Variants in MTDH observed in about 807,000 individuals in gnomAD.
MTDH encodes protein LYRIC.
Under a neutral mutation model 72.7 loss-of-function variants are expected in MTDH, and 34 were observed. The observed-to-expected ratio is 0.47, with a 90% CI of 0.36 to 0.62. The LOEUF is 0.62. Ranked by LOEUF, MTDH falls within the 20% of genes least tolerant of loss-of-function variation. The pLI is 0.00. For missense variants in MTDH, 677 were observed against 699.4 expected (o/e 0.97, Z 0.36); for synonymous variants, 266 against 268.9 (o/e 0.99, Z 0.10).
intron 5 of MTDH, among the ~76,000 whole-genome samples, chr8:97,690,645 A>AATT (rs1450656542): frequency 6.6e-6 from 1 of 151,998 alleles, no homozygotes; most frequent in Non-Finnish European, 1.5e-5. Flanking sequence ...ATATATAAAT[A>AATT]AGGAAAGAAC....
At chr8:97,686,039 A>G (rs931881329) in intron 2 of MTDH, among the ~76,000 whole-genome samples, 3 of 152,224 alleles carry the variant, frequency 2.0e-5, no homozygotes, top group African/African-American at 4.8e-5. Context: ...AAACATCTGT[A>G]TACAAATCCT....
At chr8:97,667,264 G>A (rs1812431697) in intron 2 of MTDH, among the ~76,000 whole-genome samples, 1 of 152,114 alleles carries the variant, frequency 6.6e-6, no homozygotes, top group Admixed American at 6.5e-5. Flanking sequence ...GGGATCACAG[G>A]CATCTCATTG....
intron 2 of MTDH, among the ~76,000 whole-genome samples, chr8:97,669,856 C>T (rs1368118786): frequency 6.9e-6 from 1 of 144,894 alleles, no homozygotes; most frequent in Non-Finnish European, 1.5e-5. Context: ...ACGGAGGTTG[C>T]AGGCGGAGTG....
At chr8:97,671,688 CAA>C (rs1052026867) in intron 2 of MTDH, among the ~76,000 whole-genome samples, 2 of 151,980 alleles carry the variant, frequency 1.3e-5, no homozygotes, top group African/African-American at 4.8e-5. Flanking sequence ...ACTAAAAATA[CAA>C]AAATTAGCTT....
At chr8:97,664,752 TCTTTC>T (rs923704878) in intron 2 of MTDH, among the ~76,000 whole-genome samples, 5 of 151,890 alleles carry the variant, frequency 3.3e-5, no homozygotes, top group Non-Finnish European at 7.4e-5. Flanking sequence ...CTTCCTTCCT[TCTTTC>T]CTTTCTTTTT....
intron 8 of MTDH, among the ~76,000 whole-genome samples, chr8:97,713,037 A>G (rs982859783): frequency 1.3e-5 from 2 of 152,198 alleles, no homozygotes; most frequent in Non-Finnish European, 2.9e-5. Flanking sequence ...TTGAACTTCA[A>G]AATAAAGTAG....
chr8:97,707,443 C>G (rs545872600), intron 8 of MTDH, among the ~76,000 whole-genome samples: 2 of 146,634 alleles, frequency 1.4e-5, no homozygotes, highest in South Asian at 4.3e-4. Context: ...AGCCACCATG[C>G]CTGGCCTTTT....
rs1295070988 is a variant in MTDH, at chr8:97,727,060, A to C, written c.*2390A>C. 1 of 151,798 alleles carries C rather than the reference A, an allele frequency of 6.6e-6. No individual in the cohort carries two copies. The highest frequency in any genetic ancestry group is 1.9e-4 in the East Asian group (1 of 5,156). The allele number at this position is 151,798 out of a possible 1,614,324, so 9.4% of individuals were successfully genotyped here. A position where few individuals can be genotyped will look rare whatever the true frequency, so the allele number is the denominator to read the frequency against. ...CACTGCACTCCAGCCTGGGCAACAG[A>C]AGGAGACTCCGTCTCAAAAAAAAAA... On this transcript the variant is annotated 3_prime_UTR_variant, in exon 12 of 12. Transcript: ENST00000336273.
At chr8:97,718,941 C>T (rs1268518258) in intron 9 of MTDH, 108 bp from the exon 10 acceptor site, 7 of 1,014,324 alleles carry the variant, frequency 6.9e-6, no homozygotes, top group Non-Finnish European at 8.5e-6. Context: ...AGCAATTCAC[C>T]CACCTCCGCC....
At chr8:97,654,936 C>T (rs1213250691) in intron 1 of MTDH, among the ~76,000 whole-genome samples, 3 of 151,822 alleles carry the variant, frequency 2.0e-5, no homozygotes, top group Admixed American at 1.3e-4. Flanking sequence ...CCTGTCTCTA[C>T]AAAAAATTAA....
At chr8:97,694,816 G>A (rs1031863229) in intron 6 of MTDH, among the ~76,000 whole-genome samples, 2 of 151,942 alleles carry the variant, frequency 1.3e-5, no homozygotes, top group Admixed American at 6.6e-5. Context: ...CCAGCTACTC[G>A]GGAGGCCGAG....
At chr8:97,674,836 A>G (rs887798808) in intron 2 of MTDH, among the ~76,000 whole-genome samples, 2 of 151,880 alleles carry the variant, frequency 1.3e-5, no homozygotes, top group African/African-American at 4.8e-5. Flanking sequence ...CTTGAGACAG[A>G]GTCTTGCTCT....
At chr8:97,681,649 A>G (rs1438607273) in intron 2 of MTDH, among the ~76,000 whole-genome samples, 1 of 151,920 alleles carries the variant, frequency 6.6e-6, no homozygotes, top group Non-Finnish European at 1.5e-5. Context: ...ATGCACCAGC[A>G]CGCTTGGCTG....
chr8:97,686,953 T>G (rs564654345), intron 3 of MTDH, among the ~76,000 whole-genome samples: 7 of 141,798 alleles, frequency 4.9e-5, no homozygotes, highest in South Asian at 2.2e-4. Context: ...TGAAGGGAAC[T>G]GCCCTGAAAT....
chr8:97,722,567 A>T (rs539122783), intron 10 of MTDH, among the ~76,000 whole-genome samples: 17 of 152,320 alleles, frequency 1.1e-4, no homozygotes, highest in African/African-American at 4.1e-4. Context: ...GTGCCACTGC[A>T]CTCCATCCTG....
In MTDH at chr8:97,706,856, A is replaced by C. The variant is rs1308243632; in HGVS notation, c.1272+106A>C. The stretch of plus-strand genomic sequence containing the variant: ...GCACTTTGGGAGGTACTGTGGGAGG[A>C]TTGCTTGAGCCCAGGAGTTCAAGGC... On this transcript the variant is annotated intron_variant, in intron 8 of 11. Transcript: ENST00000336273. 13 of 1,341,770 alleles carry C rather than the reference A, an allele frequency of 9.7e-6. No homozygotes were observed. In the Admixed American group the frequency reaches 1.2e-4, roughly 13 times the overall value. The allele number at this position is 1,341,770 out of a possible 1,614,324, so 83.1% of individuals were successfully genotyped here. A position where few individuals can be genotyped will look rare whatever the true frequency, so the allele number is the denominator to read the frequency against.
At chr8:97,699,923 T>A (rs865984380) in intron 7 of MTDH, 71 bp downstream of exon 7, 14 of 944,246 alleles carry the variant, frequency 1.5e-5, no homozygotes, top group Middle Eastern at 2.4e-4. Context: ...ATTCATGCTT[T>A]ATGTTTTAAT....
At chr8:97,676,866 G>T (rs532071714) in intron 2 of MTDH, among the ~76,000 whole-genome samples, 4 of 151,700 alleles carry the variant, frequency 2.6e-5, no homozygotes, top group Non-Finnish European at 2.9e-5. Flanking sequence ...TTAGCTGGGC[G>T]TGGTGGCACA....
chr8:97,670,881 C>T (rs1297200326), intron 2 of MTDH, among the ~76,000 whole-genome samples: 5 of 151,416 alleles, frequency 3.3e-5, no homozygotes, highest in Admixed American at 6.6e-5. Flanking sequence ...CTCAGCCCCC[C>T]GAGTAACTGG....
Sources: allele counts gnomAD v4.1 joint callset (sites outside exome capture counted in the v4.1 genomes callset), GRCh38; gene constraint gnomAD v4.1.1; transcripts MANE v1.5; gene names NCBI Gene and HGNC (gene_info 2026-07-23, HGNC 2026-07-21).